The following SLC37A1 variants were observed in gnomAD, a reference collection of about 807,000 sequenced individuals.
SLC37A1 encodes the protein glucose-6-phosphate exchanger SLC37A1.
A neutral mutation model predicts 75.3 loss-of-function variants in SLC37A1; 49 were observed. The ratio of observed to expected loss-of-function variants is 0.65; its 90% CI spans 0.52 to 0.83. SLC37A1 has a LOEUF of 0.83. Ranked by LOEUF, SLC37A1 falls within the 40% of genes least tolerant of loss-of-function variation. The pLI, the probability that SLC37A1 is intolerant of heterozygous loss-of-function variation, is 0.00. For missense variants in SLC37A1, 566 were observed against 695.0 expected, an observed-to-expected ratio of 0.81 and a Z score of 2.09; for synonymous variants, 268 against 292.1, an observed-to-expected ratio of 0.92 and a Z score of 0.84.
At position 42,530,651 on chromosome 21, in the gene SLC37A1, CA is replaced by C. The variant is rs143128324; in HGVS notation, c.139-4046del. On this transcript the variant is annotated intron_variant, in intron 3 of 19. Coordinates refer to ENST00000352133, the MANE Select transcript of SLC37A1 (RefSeq NM_001320537.2). ...ACACACACACACACACACACACACA[CA>C]CACCCCCTCTGTGTTGGCTGAAGGT... Among the ~76,000 whole-genome samples, 275 of 31,150 alleles carry C rather than the reference CA, an allele frequency of 8.8e-3. 8 individuals carry two copies. The highest frequency in any genetic ancestry group is 0.033 in the Middle Eastern group (3 of 90). The allele number at this position is 31,150 out of a possible 152,430, so 20.4% of individuals were successfully genotyped here. A position where few individuals can be genotyped will look rare whatever the true frequency, so the allele number is the denominator to read the frequency against.
intron 17 of SLC37A1, among the ~76,000 whole-genome samples, chr21:42,570,601 A>G (rs1245816105): frequency 6.6e-6 from 1 of 152,214 alleles, no homozygotes; most frequent in Non-Finnish European, 1.5e-5. Flanking sequence ...TGCAGTCTGC[A>G]ATTCGGTCTG....
At chr21:42,519,949 C>T (rs1211741856) in intron 2 of SLC37A1, among the ~76,000 whole-genome samples, 1 of 148,654 alleles carries the variant, frequency 6.7e-6, no homozygotes, top group Non-Finnish European at 1.5e-5. Context: ...CTCTCCCTGC[C>T]CCTCCACAGT....
At chr21:42,527,694 C>T (rs1455029286) in intron 3 of SLC37A1, among the ~76,000 whole-genome samples, 2 of 152,168 alleles carry the variant, frequency 1.3e-5, no homozygotes, top group East Asian at 1.9e-4. Context: ...CCCTACTCAT[C>T]CTCTCTGTGC....
intron 15 of SLC37A1, among the ~76,000 whole-genome samples, chr21:42,566,638 C>T (rs2055985475): frequency 1.3e-5 from 2 of 152,110 alleles, no homozygotes; most frequent in Non-Finnish European, 2.9e-5. Context: ...TAGGAAATGA[C>T]CTGGTCCGGA....
intron 10 of SLC37A1, among the ~76,000 whole-genome samples, chr21:42,555,997 G>A (rs971069681): frequency 2.6e-5 from 4 of 152,172 alleles, no homozygotes; most frequent in African/African-American, 9.7e-5. Context: ...GTGACCGCTG[G>A]GCTCAGTGGG....
At chr21:42,563,205 C>T (rs1478276796) in intron 12 of SLC37A1, among the ~76,000 whole-genome samples, 1 of 152,166 alleles carries the variant, frequency 6.6e-6, no homozygotes, top group African/African-American at 2.4e-5. Context: ...CCCTTCTTCC[C>T]CTGTGGTTGC....
chr21:42,503,987 C>T (rs975299004), intron 2 of SLC37A1, among the ~76,000 whole-genome samples: 3 of 152,138 alleles, frequency 2.0e-5, no homozygotes, highest in African/African-American at 4.8e-5. Context: ...TTATCTATGA[C>T]CCCAGAACAG....
intron 2 of SLC37A1, chr21:42,502,586 A>G (rs987742110): frequency 1.3e-5 from 2 of 152,204 alleles, no homozygotes; most frequent in African/African-American, 4.8e-5. Flanking sequence ...AGTTTTTTGC[A>G]GGCCACTTTC....
At chr21:42,502,603 C>G (rs1288189328) in intron 2 of SLC37A1, 1 of 152,194 alleles carries the variant, frequency 6.6e-6, no homozygotes, top group Non-Finnish European at 1.5e-5. Context: ...TTTCATATAT[C>G]TGTATATGTT....
At chr21:42,513,557 T>C (rs1328440797), upstream of SLC37A1, among the ~76,000 whole-genome samples, 1 of 151,666 alleles carries the variant, frequency 6.6e-6, no homozygotes, top group Non-Finnish European at 1.5e-5. Context: ...AGAGGCCGCC[T>C]GGGACTGCCC....
chr21:42,567,183 T>G (rs2147009862), intron 16 of SLC37A1, 125 bp downstream of exon 16: 2 of 926,898 alleles, frequency 2.2e-6, no homozygotes, highest in Middle Eastern at 4.4e-4. Flanking sequence ...GCAGCTCACC[T>G]ACACCTGTGG....
intron 10 of SLC37A1, among the ~76,000 whole-genome samples, chr21:42,556,436 G>A (rs1404875041): frequency 1.3e-5 from 2 of 152,234 alleles, no homozygotes; most frequent in Non-Finnish European, 2.9e-5. Context: ...TTTCCCAAAG[G>A]GAAGCTGCAG....
At chr21:42,525,510 A>ATGGTATGTTGTGTGTTGTG (rs2054766964) in intron 2 of SLC37A1, among the ~76,000 whole-genome samples, 3 of 152,242 alleles carry the variant, frequency 2.0e-5, no homozygotes, top group African/African-American at 7.2e-5. Context: ...TGTTAGAAGT[A>ATGGTATGTTGTGTGTTGTG]TGGTATGTTG....
In SLC37A1 at chr21:42,534,805, G is replaced by T; in HGVS notation, c.246G>T (p.Glu82Asp). Residue 82 changes from glutamate to aspartate, a missense_variant, in exon 4 of 20, where the codon GAG (glutamate) becomes GAT (aspartate). Coordinates refer to ENST00000352133, the MANE Select transcript of SLC37A1 (RefSeq NM_001320537.2). ...SAAPHQLPDN[E>D]TDCGWAPFDK... ...CCCCCCACCAGCTCCCTGACAATGA[G>T]ACCGACTGTGGCTGGGCACCGTTTG... 6.2e-7 allele frequency: 1 copy of T among 1,613,924 alleles called. No individual in the cohort carries two copies.
Position 42,536,893 on chromosome 21 carries a change from G to A in SLC37A1, c.350+1343G>A, listed in dbSNP as rs945504365. Among the ~76,000 whole-genome samples the A allele has an allele frequency of 2.0e-5, 3 of 152,178 alleles. No individual in the cohort carries two copies. The East Asian group carries it at 5.8e-4, about 29-fold the overall frequency. On this transcript the variant is annotated intron_variant, in intron 5 of 19. Coordinates refer to ENST00000352133, the MANE Select transcript of SLC37A1 (RefSeq NM_001320537.2). ...TACCTCTCAACACAGTTATACTGGG[G>A]ACCAAGCCTCAACACAAGTTTTGAT...
intron 4 of SLC37A1, 107 bp downstream of exon 4, chr21:42,534,937 C>T: frequency 1.4e-6 from 2 of 1,403,312 alleles, no homozygotes; most frequent in Non-Finnish European, 1.9e-6. Flanking sequence ...ACTGCATTTC[C>T]ATGACAGCCC....
intron 9 of SLC37A1, among the ~76,000 whole-genome samples, chr21:42,553,060 G>A (rs564215149): frequency 6.6e-6 from 1 of 152,282 alleles, no homozygotes; most frequent in East Asian, 1.9e-4. Flanking sequence ...GAAATGCCTC[G>A]AAATGTAAAG....
intron 9 of SLC37A1, among the ~76,000 whole-genome samples, chr21:42,550,370 A>G (rs2055526997): frequency 6.6e-6 from 1 of 152,274 alleles, no homozygotes; most frequent in Non-Finnish European, 1.5e-5. Context: ...GGAAAAATTC[A>G]TAGAAGGACA....
intron 14 of SLC37A1, among the ~76,000 whole-genome samples, chr21:42,565,252 A>G (rs2055946559): frequency 6.6e-6 from 1 of 152,256 alleles, no homozygotes; most frequent in African/African-American, 2.4e-5. Flanking sequence ...ACCACCTTGC[A>G]GTGGGTTAGA....
Sources: gnomAD v4.1 joint callset for allele counts (sites outside exome capture counted in the v4.1 genomes callset) on GRCh38, gnomAD v4.1.1 for gene constraint, MANE v1.5 for transcripts, NCBI Gene and HGNC (gene_info 2026-07-23, HGNC 2026-07-21) for gene names.